WDR4: variants seen among roughly 807,000 people sequenced by gnomAD.
WDR4 encodes WDR4 tRNA N7-guanosine methyltransferase non-catalytic subunit.
In WDR4, 47 loss-of-function variants were observed where a neutral mutation model predicts 48.6. The observed-to-expected ratio is 0.97, with a 90% CI of 0.77 to 1.23. WDR4 has a LOEUF of 1.23. Among genes scored for constraint, WDR4 ranks in the 50% most tolerant of loss-of-function variants. WDR4 has a pLI of 0.00. For missense variants in WDR4, 606 were observed against 551.6 expected, an observed-to-expected ratio of 1.10 and a Z score of -0.99; for synonymous variants, 268 against 230.0, an observed-to-expected ratio of 1.17 and a Z score of -1.49.
intron 3 of WDR4, among the ~76,000 whole-genome samples, chr21:42,868,780 G>A (rs557706669): frequency 1.3e-5 from 2 of 152,330 alleles, no homozygotes; most frequent in South Asian, 2.1e-4. Context: ...CAAGGAAACC[G>A]CTGGACACCA....
At chr21:42,874,299 T>C (rs2058438336) in intron 2 of WDR4, among the ~76,000 whole-genome samples, 1 of 152,230 alleles carries the variant, frequency 6.6e-6, no homozygotes, top group Non-Finnish European at 1.5e-5. Context: ...TGCCTGTCTT[T>C]ACTTTAATCT....
intron 3 of WDR4, among the ~76,000 whole-genome samples, chr21:42,864,450 C>T (rs2058202103): frequency 6.6e-6 from 1 of 152,182 alleles, no homozygotes; most frequent in South Asian, 2.1e-4. Context: ...GAGCCGTGCC[C>T]CATGCCCTGC....
chr21:42,859,799 G>T, intron 5 of WDR4, 77 bp from the exon 6 acceptor site: 1 of 1,418,222 alleles, frequency 7.1e-7, no homozygotes, highest in Non-Finnish European at 9.7e-7. Flanking sequence ...GAGGCCGCCT[G>T]TTCATCTAAG....
At chr21:42,890,256 C>T in the WDR4 span, among the ~76,000 whole-genome samples, 2 of 151,426 alleles carry the variant, frequency 1.3e-5, no homozygotes, top group African/African-American at 4.9e-5. Flanking sequence ...AGAAGTTCGG[C>T]CAGGCACGGT....
At chr21:42,849,011 C>T (rs565179541), downstream of WDR4, among the ~76,000 whole-genome samples, 4 of 144,010 alleles carry the variant, frequency 2.8e-5, no homozygotes, top group African/African-American at 1.0e-4. Flanking sequence ...ACACAGCGCA[C>T]GATCACACCG....
At chr21:42,854,433 AG>A in intron 8 of WDR4, 128 bp downstream of exon 8, 1 of 845,726 alleles carries the variant, frequency 1.2e-6, no homozygotes, top group South Asian at 1.9e-5. Flanking sequence ...TCTCAGAGGG[AG>A]GTGCTAGACC....
At chr21:42,879,946 A>G, upstream of WDR4, 2 of 397,082 alleles carry the variant, frequency 5.0e-6, no homozygotes, top group Non-Finnish European at 8.9e-6. Context: ...CCTGACCAAT[A>G]TGGTGAAACC....
rs1264627925 is a variant in WDR4 at position 42,862,648 on chromosome 21, A to T, written c.454-254T>A. ...CTAGAGCAGGCTTCTGGGGTGGGGC[A>T]GTGCCACCCCTGCCTGCCTGTCTCC... On this transcript the variant is annotated intron_variant, in intron 4 of 10. Transcript: ENST00000398208. This position sits in a 1 kb window ranked among gnomAD's most constrained non-coding sequence, Gnocchi z 4.3. Among the ~76,000 whole-genome samples the T allele has an allele frequency of 6.6e-6, 1 of 152,068 alleles. No homozygotes were observed. The highest frequency in any genetic ancestry group is 2.4e-5 in the African/African-American group (1 of 41,396).
intron 6 of WDR4, 113 bp downstream of exon 6, chr21:42,859,549 C>T: frequency 1.5e-6 from 2 of 1,306,822 alleles, no homozygotes; most frequent in Non-Finnish European, 2.1e-6. Flanking sequence ...AGTGGACAGC[C>T]ACAGCCAGCC....
In WDR4 at chr21:42,879,488, C is replaced by A; in HGVS notation, c.8G>T (p.Gly3Val). 1 of 1,613,416 alleles carries A rather than the reference C, an allele frequency of 6.2e-7. No homozygotes were observed. The highest frequency in any genetic ancestry group is 8.5e-7 in the Non-Finnish European group (1 of 1,179,848). MA[G>V]SVGLALCGQT... ...CCCGCACAACGCCAGTCCCACAGAGCCCGCCATGTACCCGCCCGCCTCACC... is the reference window on the plus strand; with the variant it reads ...CCCGCACAACGCCAGTCCCACAGAGACCGCCATGTACCCGCCCGCCTCACC... The change falls in exon 1 of 11, where the codon GGC (glycine) becomes GTC (valine). Residue 3 changes from glycine to valine, a missense_variant. Coordinates refer to ENST00000398208, the MANE Select transcript of WDR4 (RefSeq NM_018669.6).
At chr21:42,845,520 G>C (rs2145977511), downstream of WDR4, among the ~76,000 whole-genome samples, 1 of 152,316 alleles carries the variant, frequency 6.6e-6, no homozygotes, top group South Asian at 2.1e-4. Context: ...TTCCCCCAGG[G>C]TAAGTGATCT....
intron 7 of WDR4, among the ~76,000 whole-genome samples, chr21:42,854,945 C>T (rs2057947429): frequency 6.6e-6 from 1 of 152,130 alleles, no homozygotes; most frequent in South Asian, 2.1e-4. Context: ...ATGAGAGCTA[C>T]ACATACAACT....
At chr21:42,885,192 G>T in the WDR4 span, among the ~76,000 whole-genome samples, 2 of 152,170 alleles carry the variant, frequency 1.3e-5, no homozygotes, top group Admixed American at 6.6e-5. Flanking sequence ...AGCGTATTAA[G>T]ATGTAATAAC....
rs1465301382 is a variant in WDR4 at position 42,879,196 on chromosome 21, G to A, written c.89+211C>T. On this transcript the variant is annotated intron_variant, in intron 1 of 10. Coordinates refer to ENST00000398208, the MANE Select transcript of WDR4 (RefSeq NM_018669.6). ...AAGGAGCGCGCCGGAGCCGGGGAGC[G>A]GACGCCGAGAGCGGACGGCGAAAGC... 120 of 1,332,636 alleles carry A rather than the reference G, an allele frequency of 9.0e-5. 1 individual carries two copies. Among genetic ancestry groups the A allele is most frequent in the South Asian group, 6.4e-4 (33 of 51,480 alleles). The allele number at this position is 1,332,636 out of a possible 1,614,324, so 82.6% of individuals were successfully genotyped here. A position where few individuals can be genotyped will look rare whatever the true frequency, so the allele number is the denominator to read the frequency against.
chr21:42,846,175 C>T (rs1198704550), downstream of WDR4, among the ~76,000 whole-genome samples: 2 of 152,120 alleles, frequency 1.3e-5, no homozygotes, highest in Non-Finnish European at 1.5e-5. Context: ...CATCACTGCA[C>T]TATTCCTAAC....
chr21:42,892,149 G>A, the WDR4 span, among the ~76,000 whole-genome samples: 43 of 151,148 alleles, frequency 2.8e-4, no homozygotes, highest in Non-Finnish European at 5.1e-4. Flanking sequence ...AGCTACTCGG[G>A]AGGCTGAGGC....
chr21:42,863,102 C>T (rs1425799504), intron 4 of WDR4, among the ~76,000 whole-genome samples: 2 of 152,180 alleles, frequency 1.3e-5, no homozygotes, highest in African/African-American at 4.8e-5. Context: ...CTACTGACCA[C>T]CTCCTGTCTC....
chr21:42,879,521 A>G lies in WDR4; in HGVS notation c.-26T>C, dbSNP rs758311628. 9 of 1,611,162 alleles carry G rather than the reference A, an allele frequency of 5.6e-6. No homozygotes were observed. In the African/African-American group the frequency reaches 9.4e-5, roughly 17 times the overall value. Reference sequence around the variant, plus strand: ...GTACCCGCCCGCCTCACCGCCATACACATGTGCCAGCCCAGAGCCTCTTCC... The same window carrying G: ...GTACCCGCCCGCCTCACCGCCATACGCATGTGCCAGCCCAGAGCCTCTTCC... On this transcript the variant is annotated 5_prime_UTR_variant, in exon 1 of 11. Coordinates refer to ENST00000398208, the MANE Select transcript of WDR4 (RefSeq NM_018669.6).
upstream of WDR4, among the ~76,000 whole-genome samples, chr21:42,883,994 C>T (rs2058623115): frequency 6.6e-6 from 1 of 152,176 alleles, no homozygotes; most frequent in African/African-American, 2.4e-5. Context: ...AACCATTAAT[C>T]TACTTTGTTT....
Sources: allele counts gnomAD v4.1 joint callset (sites outside exome capture counted in the v4.1 genomes callset), GRCh38; gene constraint gnomAD v4.1.1; non-coding constraint Gnocchi (gnomAD v3.1); transcripts MANE v1.5; gene names NCBI Gene and HGNC (gene_info 2026-07-23, HGNC 2026-07-21).